TEX36: variants seen among roughly 807,000 people sequenced by gnomAD.
TEX36 encodes the protein testis expressed 36.
In TEX36, 12 loss-of-function variants were observed where a neutral mutation model predicts 13.6. The ratio of observed to expected loss-of-function variants is 0.88; its 90% CI spans 0.56 to 1.43. TEX36 has a LOEUF of 1.43. Among genes scored for constraint, TEX36 ranks in the 40% most tolerant of loss-of-function variants. The pLI, the probability that TEX36 is intolerant of heterozygous loss-of-function variation, is 0.00. For missense variants in TEX36, 224 were observed against 228.3 expected (o/e 0.98, Z 0.12); for synonymous variants, 93 against 83.0 (o/e 1.12, Z -0.65).
chr10:125,638,985 T>C (rs1325745276), intron 3 of TEX36, among the ~76,000 whole-genome samples: 2 of 152,266 alleles, frequency 1.3e-5, no homozygotes, highest in African/African-American at 4.8e-5. Context: ...AATAAATAAA[T>C]GAAGCCAAAA....
intron 1 of TEX36, 123 bp downstream of exon 1, chr10:125,682,815 TA>T: frequency 9.3e-7 from 1 of 1,078,532 alleles, no homozygotes; most frequent in Non-Finnish European, 1.4e-6. Context: ...TGAGGTTGAG[TA>T]AAGTGAAGTG....
intron 3 of TEX36, chr10:125,640,269 C>T (rs1327930052): frequency 4.4e-6 from 4 of 909,938 alleles, no homozygotes; most frequent in Non-Finnish European, 5.3e-6. Flanking sequence ...TGTTCTTGTG[C>T]CTGTATTACC....
intron 3 of TEX36, among the ~76,000 whole-genome samples, chr10:125,610,574 C>A (rs951810725): frequency 2.0e-5 from 3 of 148,254 alleles, no homozygotes; most frequent in African/African-American, 5.3e-5. Flanking sequence ...TGAAATAATT[C>A]TTCCTCTTTT....
At chr10:125,677,711 T>C (rs1288570070) in intron 1 of TEX36, among the ~76,000 whole-genome samples, 2 of 152,192 alleles carry the variant, frequency 1.3e-5, no homozygotes, top group Non-Finnish European at 2.9e-5. Flanking sequence ...AGACATAGTC[T>C]CACTCTATTG....
At chr10:125,610,238 C>T (rs1927322) in intron 3 of TEX36, among the ~76,000 whole-genome samples, 43,214 of 152,102 alleles carry the variant, frequency 0.28, 6,382 homozygotes, top group African/African-American at 0.37. Context: ...GCTGCTCTGC[C>T]TATGGAGTAG....
intron 1 of TEX36, among the ~76,000 whole-genome samples, chr10:125,682,232 C>T (rs376219911): frequency 6.6e-6 from 1 of 152,132 alleles, no homozygotes; most frequent in Non-Finnish European, 1.5e-5. Flanking sequence ...AGGCTAAGAC[C>T]TCACACTTAG....
At chr10:125,628,204 G>A (rs1400897107) in intron 3 of TEX36, among the ~76,000 whole-genome samples, 1 of 152,226 alleles carries the variant, frequency 6.6e-6, no homozygotes, top group African/African-American at 2.4e-5. Context: ...TCGTGGAAGG[G>A]AGCAAAGCTT....
At chr10:125,631,012 G>C (rs1393074509) in intron 3 of TEX36, among the ~76,000 whole-genome samples, 1 of 152,098 alleles carries the variant, frequency 6.6e-6, no homozygotes, top group East Asian at 1.9e-4. Flanking sequence ...CCCCACTTCT[G>C]CCTGCTTTTT....
chr10:125,653,343 T>G (rs1418738936), downstream of TEX36, among the ~76,000 whole-genome samples: 2 of 151,994 alleles, frequency 1.3e-5, no homozygotes, highest in Non-Finnish European at 2.9e-5. Context: ...TGTAGGGACA[T>G]GGATGAAGCC....
At chr10:125,600,902 T>C (rs926133480) in intron 3 of TEX36, among the ~76,000 whole-genome samples, 5 of 152,042 alleles carry the variant, frequency 3.3e-5, no homozygotes, top group Non-Finnish European at 7.4e-5. Context: ...ATCTGGATCC[T>C]ACCTGGAACT....
At chr10:125,599,923 T>TC (rs1293285090) in intron 3 of TEX36, among the ~76,000 whole-genome samples, 1 of 152,076 alleles carries the variant, frequency 6.6e-6, no homozygotes, top group African/African-American at 2.4e-5. Context: ...AGACCCCCAA[T>TC]CCCAGGCTCA....
At chr10:125,578,014 T>C (rs563435398) in intron 3 of TEX36, among the ~76,000 whole-genome samples, 1 of 152,364 alleles carries the variant, frequency 6.6e-6, no homozygotes, top group South Asian at 2.1e-4. Context: ...ATCAGCATTA[T>C]AGTCATTAAT....
At chr10:125,636,203 A>ATTT (rs748673256) in intron 3 of TEX36, among the ~76,000 whole-genome samples, 5 of 121,698 alleles carry the variant, frequency 4.1e-5, no homozygotes, top group East Asian at 2.3e-4. Context: ...TGTTTGCTGA[A>ATTT]TTTTTTTTTT....
chr10:125,578,051 T>A (rs1317034459), intron 3 of TEX36, among the ~76,000 whole-genome samples: 1 of 152,226 alleles, frequency 6.6e-6, no homozygotes, highest in Non-Finnish European at 1.5e-5. Flanking sequence ...CCCCATTTTT[T>A]AAATAACTGA....
intron 3 of TEX36, among the ~76,000 whole-genome samples, chr10:125,606,953 A>G (rs1846222982): frequency 6.6e-6 from 1 of 152,240 alleles, no homozygotes; most frequent in South Asian, 2.1e-4. Context: ...CAACGTACAC[A>G]TAAAGCGCCC....
intron 3 of TEX36, among the ~76,000 whole-genome samples, chr10:125,595,132 T>A (rs1846064842): frequency 6.6e-6 from 1 of 152,166 alleles, no homozygotes; most frequent in South Asian, 2.1e-4. Context: ...AAATACACAT[T>A]ACAAATGGTA....
Position 125,667,384 on chromosome 10 carries a change from A to T in TEX36, c.52-5407T>A, listed in dbSNP as rs908782922. Reference sequence around the variant, plus strand: ...CATGGTCCCCATTAGGGGGGATCTCAGGCTCCGCAATGGGCACAATGCCAC... The same window carrying T: ...CATGGTCCCCATTAGGGGGGATCTCTGGCTCCGCAATGGGCACAATGCCAC... On this transcript the variant is annotated intron_variant, in intron 1 of 3. Coordinates refer to ENST00000368821, the MANE Select transcript of TEX36 (RefSeq NM_001128202.3). The T allele has an allele frequency of 1.6e-4, 101 of 647,944 alleles. No individual in the cohort carries two copies. The African/African-American group carries it at 1.7e-3, about 11-fold the overall frequency. 40.1% of individuals were successfully genotyped at this position (647,944 alleles called of 1,614,324 possible).
intron 3 of TEX36, among the ~76,000 whole-genome samples, chr10:125,636,953 A>G (rs1189500729): frequency 6.6e-6 from 1 of 151,936 alleles, no homozygotes; most frequent in East Asian, 1.9e-4. Flanking sequence ...GCCCCAGGTC[A>G]CCTCCATTCC....
At position 125,661,105 on chromosome 10, in the gene TEX36, G is replaced by A; in HGVS notation, c.184-4C>T. The A allele has an allele frequency of 6.4e-7, 1 of 1,551,478 alleles. No homozygotes were observed. Among genetic ancestry groups the A allele is most frequent in the Non-Finnish European group, 8.7e-7 (1 of 1,146,644 alleles). On this transcript the variant is annotated splice_polypyrimidine_tract_variant and splice_region_variant and intron_variant, in intron 2 of 3. Coordinates refer to ENST00000368821, the MANE Select transcript of TEX36 (RefSeq NM_001128202.3). ...GGAACTGGTTATTCACTGCTTGCTG[G>A]AAAAGTGGGATGGAAGGGAAAGAGC...
Sources: allele counts gnomAD v4.1 joint callset (sites outside exome capture counted in the v4.1 genomes callset), GRCh38; gene constraint gnomAD v4.1.1; transcripts MANE v1.5; gene names NCBI Gene and HGNC (gene_info 2026-07-23, HGNC 2026-07-21).